LRRC4C: variants seen among roughly 807,000 people sequenced by gnomAD.
The protein encoded by LRRC4C is leucine-rich repeat-containing protein 4C.
In LRRC4C, 5 loss-of-function variants were observed where a neutral mutation model predicts 33.6. The observed-to-expected ratio is 0.15, with a 90% CI of 0.08 to 0.31. The LOEUF is 0.31. Among genes scored for constraint, LRRC4C ranks in the 10% least tolerant of loss-of-function variants. The pLI is 1.00. For missense variants in LRRC4C, 560 were observed against 796.7 expected (o/e 0.70, Z 3.58); for synonymous variants, 329 against 302.0 (o/e 1.09, Z -0.93).
rs182688381 is a variant in LRRC4C, at chr11:41,449,701, C to T, written c.-496+9730G>A. On this transcript the variant is annotated intron_variant, in intron 1 of 6. Coordinates refer to ENST00000528697, the MANE Select transcript of LRRC4C (RefSeq NM_001258419.2). ...TAAGTGACTCTCTACTGGCCTCCCC[C>T]GACCCCTACCCAGGGATGATAGTAA... Among the ~76,000 whole-genome samples, 618 of 151,504 alleles carry T rather than the reference C, an allele frequency of 4.1e-3. 6 individuals carry two copies. The highest frequency in any genetic ancestry group is 0.014 in the African/African-American group (580 of 41,262).
chr11:41,412,863 A>T (rs908513338), intron 1 of LRRC4C, among the ~76,000 whole-genome samples: 2 of 152,168 alleles, frequency 1.3e-5, no homozygotes, highest in Admixed American at 6.5e-5. Context: ...GAGACATGAG[A>T]TTCTGCTCAG....
chr11:41,389,854 C>T (rs891611339), intron 1 of LRRC4C, among the ~76,000 whole-genome samples: 2 of 151,708 alleles, frequency 1.3e-5, no homozygotes, highest in African/African-American at 4.8e-5. Context: ...CTGAATTGTG[C>T]TAATCCTGGA....
At chr11:40,448,088 T>G (rs976464916) in intron 3 of LRRC4C, among the ~76,000 whole-genome samples, 4 of 152,062 alleles carry the variant, frequency 2.6e-5, no homozygotes, top group African/African-American at 9.7e-5. Context: ...ATTACAAGCA[T>G]GAACCACCGC....
At chr11:40,545,555 G>C (rs1036799010) in intron 3 of LRRC4C, among the ~76,000 whole-genome samples, 6 of 151,970 alleles carry the variant, frequency 3.9e-5, no homozygotes, top group Non-Finnish European at 7.4e-5. Flanking sequence ...CAGGCAAGAT[G>C]TAAGTATATT....
At chr11:40,761,549 C>T (rs940977358) in intron 2 of LRRC4C, among the ~76,000 whole-genome samples, 4 of 152,076 alleles carry the variant, frequency 2.6e-5, no homozygotes, top group Non-Finnish European at 4.4e-5. Flanking sequence ...AAATATGGTC[C>T]TAGATCTCTT....
intron 4 of LRRC4C, among the ~76,000 whole-genome samples, chr11:40,249,824 A>C (rs578054981): frequency 6.6e-6 from 1 of 152,248 alleles, no homozygotes; most frequent in East Asian, 1.9e-4. Context: ...TCAAAATCAG[A>C]GGGAGTTGAT....
intron 4 of LRRC4C, among the ~76,000 whole-genome samples, chr11:40,265,585 C>G (rs929527401): frequency 4.6e-5 from 7 of 152,194 alleles, no homozygotes; most frequent in Admixed American, 3.3e-4. Flanking sequence ...AGGATAGACA[C>G]AGCAGGACTT....
intron 1 of LRRC4C, among the ~76,000 whole-genome samples, chr11:41,428,201 C>G (rs1955110972): frequency 6.6e-6 from 1 of 152,168 alleles, no homozygotes; most frequent in South Asian, 2.1e-4. Flanking sequence ...AGGCAGTTTT[C>G]AAGAATTTGG....
intron 1 of LRRC4C, among the ~76,000 whole-genome samples, chr11:41,306,947 T>C (rs1248557686): frequency 3.9e-5 from 6 of 152,244 alleles, no homozygotes; most frequent in East Asian, 1.9e-4. Context: ...ATGTTTCATG[T>C]ACCTTAAGTA....
At chr11:40,283,121 G>A (rs77449267) in intron 4 of LRRC4C, among the ~76,000 whole-genome samples, 5,787 of 152,236 alleles carry the variant, frequency 0.038, 374 homozygotes, top group African/African-American at 0.13. Flanking sequence ...CACGAACAAC[G>A]TCAGTGAGGA....
At chr11:40,667,350 C>T (rs1484763681) in intron 2 of LRRC4C, among the ~76,000 whole-genome samples, 1 of 152,052 alleles carries the variant, frequency 6.6e-6, no homozygotes, top group Non-Finnish European at 1.5e-5. Flanking sequence ...AAAGACCACC[C>T]AGAGGAATAA....
chr11:40,662,217 G>A (rs1810772397), intron 2 of LRRC4C, among the ~76,000 whole-genome samples: 1 of 152,144 alleles, frequency 6.6e-6, no homozygotes, highest in African/African-American at 2.4e-5. Flanking sequence ...TTACTGAAAT[G>A]AAATGTCAAT....
intron 1 of LRRC4C, among the ~76,000 whole-genome samples, chr11:41,206,968 C>CTA (rs1364240235): frequency 1.3e-5 from 2 of 152,044 alleles, no homozygotes; most frequent in East Asian, 1.9e-4. Flanking sequence ...ATGCTATACA[C>CTA]TATATATATA....
At chr11:40,840,122 A>G (rs970363029) in intron 2 of LRRC4C, among the ~76,000 whole-genome samples, 1 of 152,212 alleles carries the variant, frequency 6.6e-6, no homozygotes, top group South Asian at 2.1e-4. Context: ...GACTACCTAA[A>G]GTGCAGATAG....
intron 2 of LRRC4C, among the ~76,000 whole-genome samples, chr11:40,687,193 C>T (rs1234474354): frequency 6.6e-6 from 1 of 152,052 alleles, no homozygotes; most frequent in Non-Finnish European, 1.5e-5. Context: ...AATTTATATA[C>T]AATGCCCAAA....
chr11:41,175,961 T>C (rs1945178549), intron 1 of LRRC4C, among the ~76,000 whole-genome samples: 1 of 152,204 alleles, frequency 6.6e-6, no homozygotes, highest in Admixed American at 6.5e-5. Context: ...TTTCTACCAG[T>C]AGGACTTCTG....
At chr11:40,391,406 C>T (rs1434844393) in intron 3 of LRRC4C, among the ~76,000 whole-genome samples, 2 of 152,176 alleles carry the variant, frequency 1.3e-5, no homozygotes, top group African/African-American at 4.8e-5. Flanking sequence ...AATAACAGCT[C>T]ATTTTCTAAT....
intron 2 of LRRC4C, among the ~76,000 whole-genome samples, chr11:40,881,448 T>A (rs550392552): frequency 6.6e-6 from 1 of 152,236 alleles, no homozygotes; most frequent in East Asian, 1.9e-4. Context: ...GTGTTTTGCG[T>A]CAAAGCAATA....
intron 1 of LRRC4C, among the ~76,000 whole-genome samples, chr11:41,057,228 C>A (rs2135333503): frequency 6.6e-6 from 1 of 152,306 alleles, no homozygotes; most frequent in South Asian, 2.1e-4. Flanking sequence ...AAAGTTGGGA[C>A]AAAGCCTGGG....
Sources: allele counts gnomAD v4.1 joint callset (sites outside exome capture counted in the v4.1 genomes callset), GRCh38; gene constraint gnomAD v4.1.1; transcripts MANE v1.5; gene names NCBI Gene and HGNC (gene_info 2026-07-23, HGNC 2026-07-21).